Variants in PRIMPOL observed in about 807,000 individuals in gnomAD.
The protein encoded by PRIMPOL is primase and DNA directed polymerase.
A neutral mutation model predicts 63.6 loss-of-function variants in PRIMPOL; 54 were observed. That is an observed-to-expected ratio of 0.85 (90% CI 0.68 to 1.07). The LOEUF (loss-of-function observed/expected upper bound fraction) is 1.07, where lower values mean the gene tolerates loss of function less well. Ranked by LOEUF, PRIMPOL falls within the 50% of genes least tolerant of loss-of-function variation. PRIMPOL has a pLI of 0.00. For synonymous variants in PRIMPOL, 197 were observed against 220.2 expected (o/e 0.89, Z 0.93); for missense variants, 610 against 648.3 (o/e 0.94, Z 0.64).
chr4:184,685,507 A>G lies in PRIMPOL; in HGVS notation c.1186+9A>G. 1 of 1,597,058 alleles carries G rather than the reference A, an allele frequency of 6.3e-7. No individual in the cohort carries two copies. Among genetic ancestry groups the G allele is most frequent in the Non-Finnish European group, 8.6e-7 (1 of 1,164,388 alleles). ...AGATGGCATTAAAGGAGGTAAAGTT[A>G]ATCTCATCCTTTGTTAACTGTTATA... On this transcript the variant is annotated intron_variant, in intron 10 of 13. Coordinates refer to ENST00000314970, the MANE Select transcript of PRIMPOL (RefSeq NM_152683.4).
intron 6 of PRIMPOL, among the ~76,000 whole-genome samples, chr4:184,671,958 T>A (rs556185104): frequency 3.3e-5 from 5 of 152,062 alleles, no homozygotes; most frequent in Non-Finnish European, 7.4e-5. Flanking sequence ...ACCAGGATGG[T>A]CTCGATCTCC....
At chr4:184,688,905 G>GA (rs1453236401) in intron 11 of PRIMPOL, among the ~76,000 whole-genome samples, 1 of 151,854 alleles carries the variant, frequency 6.6e-6, no homozygotes, top group Non-Finnish European at 1.5e-5. Context: ...CCCGAGCTCT[G>GA]GTAATGAATT....
intron 3 of PRIMPOL, 135 bp from the exon 4 acceptor site, chr4:184,659,199 CTTGTTT>C (rs1747545754): frequency 1.6e-6 from 1 of 640,640 alleles, no homozygotes; most frequent in Admixed American, 2.9e-5. Context: ...GACTATTTGT[CTTGTTT>C]TTAATAATAC....
chr4:184,661,956 A>C (rs1245299113), intron 5 of PRIMPOL, 53 bp downstream of exon 5: 2 of 1,526,064 alleles, frequency 1.3e-6, no homozygotes, highest in Non-Finnish European at 1.8e-6. Context: ...TCATTGGCTT[A>C]TTCATTCAGT....
At position 184,660,190 on chromosome 4, in the gene PRIMPOL, T is replaced by A. The variant is rs546329389; in HGVS notation, c.278+753T>A. On this transcript the variant is annotated intron_variant, in intron 4 of 13. Coordinates refer to ENST00000314970, the MANE Select transcript of PRIMPOL (RefSeq NM_152683.4). The stretch of plus-strand genomic sequence containing the variant: ...TTTTTTTTCTTTCTTTTTTTTAATT[T>A]AAAAAATTTTTTTTGAGACAGTTTC... Among the ~76,000 whole-genome samples the A allele has an allele frequency of 9.0e-4, 137 of 151,984 alleles. 1 individual carries two copies. The highest frequency in any genetic ancestry group is 3.4e-3 in the Middle Eastern group (1 of 294).
chr4:184,671,440 CATT>C lies in PRIMPOL; in HGVS notation c.557-717_557-715del, dbSNP rs141634593. On this transcript the variant is annotated intron_variant, in intron 6 of 13. Transcript: ENST00000314970. ...TTTCTTCATATAAACCTTCATTCTT[CATT>C]ATTATTATTATTATTTTTATGATCT... 1.1e-4 allele frequency among the ~76,000 whole-genome samples: 17 copies of C among 151,854 alleles called. No individual in the cohort carries two copies. The East Asian group carries it at 2.5e-3, about 22-fold the overall frequency.
In PRIMPOL at chr4:184,665,925, T is replaced by TA; in HGVS notation, c.420dup (p.Ala141SerfsTer9). 2.5e-6 allele frequency: 4 copies of TA among 1,582,378 alleles called. No homozygotes were observed. Among genetic ancestry groups the TA allele is most frequent in the Non-Finnish European group, 2.6e-6 (3 of 1,167,590 alleles). ...TTTACTTGTGTTTTTAGTATGTGTG[T>TA]AAAGCACTTCAAGAGTTATACGGTG... is the stretch of plus-strand genomic sequence containing the variant. On this transcript the variant is annotated frameshift_variant, in exon 6 of 14. Coordinates refer to ENST00000314970, the MANE Select transcript of PRIMPOL (RefSeq NM_152683.4). LOFTEE classifies it high-confidence loss of function.
chr4:184,655,179 T>C (rs146882061), intron 2 of PRIMPOL, among the ~76,000 whole-genome samples: 3,922 of 152,052 alleles, frequency 0.026, 179 homozygotes, highest in African/African-American at 0.09. Flanking sequence ...CTGGCTAATT[T>C]TTGTATTTTT....
At chr4:184,668,840 G>A (rs1372357772) in intron 6 of PRIMPOL, among the ~76,000 whole-genome samples, 1 of 151,616 alleles carries the variant, frequency 6.6e-6, no homozygotes, top group Admixed American at 6.6e-5. Context: ...TATTTCCAGA[G>A]CTTAGCCCAT....
At chr4:184,691,760 ACAAT>A in intron 13 of PRIMPOL, 48 bp downstream of exon 13, 3 of 1,420,260 alleles carry the variant, frequency 2.1e-6, no homozygotes, top group Non-Finnish European at 3.0e-6. Context: ...AGTTCTTGGT[ACAAT>A]AGTATACCTG....
At chr4:184,654,815 A>T (rs977697204) in intron 2 of PRIMPOL, among the ~76,000 whole-genome samples, 5 of 152,060 alleles carry the variant, frequency 3.3e-5, no homozygotes, top group African/African-American at 1.2e-4. Context: ...TTCCCTAAGC[A>T]TACCTGTTAT....
At chr4:184,661,117 A>AT (rs952813608) in intron 4 of PRIMPOL, among the ~76,000 whole-genome samples, 13 of 152,038 alleles carry the variant, frequency 8.6e-5, no homozygotes, top group African/African-American at 3.1e-4. Flanking sequence ...TGAAAAGAAC[A>AT]TTTTTTTTCA....
intron 4 of PRIMPOL, 72 bp from the exon 5 acceptor site, chr4:184,661,702 C>A: frequency 9.4e-7 from 1 of 1,064,814 alleles, no homozygotes; most frequent in Non-Finnish European, 1.4e-6. Context: ...CTGACTCAGT[C>A]TCAGTCAGTC....
At position 184,652,007 on chromosome 4, in the gene PRIMPOL, T is replaced by G. The variant is rs1056220602; in HGVS notation, c.-137-16T>G. On this transcript the variant is annotated splice_polypyrimidine_tract_variant and intron_variant, in intron 1 of 13. Transcript: ENST00000314970. Reference sequence around the variant, plus strand: ...GGCAGTGTCTTCTGGCTGAAGCCAGTAATTTCTCTTTACAGAGGTATCCCA... The same window carrying G: ...GGCAGTGTCTTCTGGCTGAAGCCAGGAATTTCTCTTTACAGAGGTATCCCA... 6.6e-6 allele frequency: 1 copy of G among 152,282 alleles called. No homozygotes were observed. Among genetic ancestry groups the G allele is most frequent in the Non-Finnish European group, 1.5e-5 (1 of 68,072 alleles). The allele number at this position is 152,282 out of a possible 1,614,324, so 9.4% of individuals were successfully genotyped here.
intron 9 of PRIMPOL, among the ~76,000 whole-genome samples, chr4:184,683,021 G>A (rs1213126926): frequency 6.6e-6 from 1 of 152,186 alleles, no homozygotes; most frequent in African/African-American, 2.4e-5. Context: ...TTGCACTCCA[G>A]CCTGGACAGC....
intron 8 of PRIMPOL, among the ~76,000 whole-genome samples, chr4:184,680,250 C>T (rs111806546): frequency 0.1 from 15,441 of 151,970 alleles, 932 homozygotes; most frequent in Middle Eastern, 0.17. Context: ...TGCAGTGGTG[C>T]GATCTCAGCT....
Position 184,691,723 on chromosome 4 carries a change from AT to A in PRIMPOL, c.1425+15del, listed in dbSNP as rs147959987. ...TTTCTTTTCAAAGAGGTAAGTACAG[AT>A]TTTAGTGTCTTTCTCCTTACCAGGG... On this transcript the variant is annotated intron_variant, in intron 13 of 13. Transcript: ENST00000314970. 1.8e-3 allele frequency: 2,868 copies of A among 1,604,362 alleles called. 14 individuals carry two copies. Among genetic ancestry groups the A allele is most frequent in the African/African-American group, 0.015 (1,093 of 74,780 alleles).
chr4:184,667,321 T>TTC (rs796380085), intron 6 of PRIMPOL, among the ~76,000 whole-genome samples: 18 of 151,446 alleles, frequency 1.2e-4, no homozygotes, highest in African/African-American at 4.1e-4. Context: ...AAGTGAGACT[T>TTC]TTTTTTTGAG....
At chr4:184,657,353 C>T (rs781525534) in intron 3 of PRIMPOL, 33 bp downstream of exon 3, 8 of 1,460,930 alleles carry the variant, frequency 5.5e-6, no homozygotes, top group Non-Finnish European at 9.4e-7. Flanking sequence ...CTTCTTCCTC[C>T]TCTTCCACTT....
Sources: allele counts gnomAD v4.1 joint callset (sites outside exome capture counted in the v4.1 genomes callset), GRCh38; gene constraint gnomAD v4.1.1; transcripts MANE v1.5; gene names NCBI Gene and HGNC (gene_info 2026-07-23, HGNC 2026-07-21).